Variants in PRKDC observed in about 807,000 individuals in gnomAD.
PRKDC encodes the protein protein kinase, DNA-activated, catalytic subunit.
Under a neutral mutation model 486.9 loss-of-function variants are expected in PRKDC, and 82 were observed. The observed-to-expected ratio is 0.17, with a 90% CI of 0.14 to 0.20. The LOEUF (loss-of-function observed/expected upper bound fraction) is 0.20, where lower values mean the gene tolerates loss of function less well. Ranked by LOEUF, PRKDC falls within the 10% of genes least tolerant of loss-of-function variation. The pLI is 1.00. For synonymous variants in PRKDC, 1,895 were observed against 1,837.0 expected, an observed-to-expected ratio of 1.03 and a Z score of -0.81; for missense variants, 4,504 against 5,038.2, an observed-to-expected ratio of 0.89 and a Z score of 3.21.
At position 47,826,707 on chromosome 8, in the gene PRKDC, C is replaced by T. The variant is rs1439704999; in HGVS notation, c.8732G>A (p.Arg2911His). The stretch of plus-strand genomic sequence containing the variant: ...ATCAGGAGGGAGGCGGGCCTTCCCA[C>T]GGACTCGCTTGGCAGGCAGCTCAGC... ...LPAELPAKRV[R>H]GKARLPPDVL... Residue 2911 changes from arginine to histidine, a missense_variant, in exon 63 of 86, where the codon CGT becomes CAT. Physicochemically the swap from Arg to His is conservative, Grantham distance 29. Coordinates refer to ENST00000314191, the MANE Select transcript of PRKDC (RefSeq NM_006904.7). 3.7e-6 allele frequency: 6 copies of T among 1,613,178 alleles called. No individual in the cohort carries two copies. Among genetic ancestry groups the T allele is most frequent in the South Asian group, 2.2e-5 (2 of 91,024 alleles).
At chr8:47,815,553 T>C (rs1414004263) in intron 68 of PRKDC, among the ~76,000 whole-genome samples, 2 of 152,286 alleles carry the variant, frequency 1.3e-5, no homozygotes, top group African/African-American at 2.4e-5. Flanking sequence ...TCTGAGATAA[T>C]TGAACACAAA....
chr8:47,796,622 CAG>C (rs1324853209), intron 73 of PRKDC, among the ~76,000 whole-genome samples: 6 of 150,972 alleles, frequency 4.0e-5, no homozygotes, highest in Non-Finnish European at 8.8e-5. Flanking sequence ...TTTTTTGAGA[CAG>C]AGTCTTGCTC....
chr8:47,876,698 C>T (rs1375701667), intron 40 of PRKDC, among the ~76,000 whole-genome samples: 1 of 152,026 alleles, frequency 6.6e-6, no homozygotes, highest in Non-Finnish European at 1.5e-5. Flanking sequence ...TATGTCCTAT[C>T]CTTCCCACTG....
At chr8:47,850,189 C>T (rs971069561) in intron 52 of PRKDC, among the ~76,000 whole-genome samples, 15 of 152,170 alleles carry the variant, frequency 9.9e-5, no homozygotes, top group African/African-American at 3.4e-4. Context: ...CAGGAAGCAA[C>T]GGAAAACACT....
At chr8:47,853,167 C>T (rs2088451625) in intron 51 of PRKDC, among the ~76,000 whole-genome samples, 1 of 152,248 alleles carries the variant, frequency 6.6e-6, no homozygotes. Context: ...AGCATACTCC[C>T]AGTGCCGTCT....
intron 16 of PRKDC, among the ~76,000 whole-genome samples, chr8:47,931,938 T>C (rs531957458): frequency 7.9e-5 from 12 of 152,290 alleles, no homozygotes; most frequent in Non-Finnish European, 1.5e-4. Context: ...TCACCCAGGC[T>C]GGAGTGCAGT....
intron 61 of PRKDC, among the ~76,000 whole-genome samples, chr8:47,830,404 T>C (rs535905728): frequency 1.3e-5 from 2 of 152,318 alleles, no homozygotes; most frequent in African/African-American, 4.8e-5. Context: ...AGTCTCCGCA[T>C]GTGTAAAGAA....
At chr8:47,918,780 T>C (rs991002472) in intron 21 of PRKDC, among the ~76,000 whole-genome samples, 6 of 151,976 alleles carry the variant, frequency 3.9e-5, no homozygotes, top group Non-Finnish European at 7.4e-5. Context: ...ACGGGGAAAA[T>C]TGTTTCTTGC....
chr8:47,790,110 G>A (rs999725937), intron 74 of PRKDC, among the ~76,000 whole-genome samples: 1 of 152,184 alleles, frequency 6.6e-6, no homozygotes, highest in African/African-American at 2.4e-5. Context: ...TAGAAAGGAA[G>A]AAGTCAAATT....
At chr8:47,802,067 C>T (rs1226435905) in intron 70 of PRKDC, among the ~76,000 whole-genome samples, 1 of 152,140 alleles carries the variant, frequency 6.6e-6, no homozygotes, top group East Asian at 1.9e-4. Flanking sequence ...TTTTCTTCTT[C>T]TTCTTCTTTT....
chr8:47,936,508 C>G lies in PRKDC; in HGVS notation c.1123G>C (p.Val375Leu), dbSNP rs763664375. ...GYGLFAGPCK[V>L]INAKDVDFMY... ...AAGTCAACATCTTTTGCGTTTATAA[C>G]CTTGCACGGCTTTAGAAAAGGTAAA... Residue 375 changes from valine to leucine, a missense_variant, in exon 12 of 86, where the codon GTT becomes CTT. This residue lies in a region of PRKDC where 1,969 missense variants were observed against 2,068.9 expected (regional missense o/e 0.95). Coordinates refer to ENST00000314191, the MANE Select transcript of PRKDC (RefSeq NM_006904.7). 2.9e-5 allele frequency: 46 copies of G among 1,613,836 alleles called. No individual in the cohort carries two copies. Among genetic ancestry groups the G allele is most frequent in the Non-Finnish European group, 3.5e-5 (41 of 1,179,872 alleles).
At chr8:47,821,138 C>T (rs1277928204) in intron 65 of PRKDC, among the ~76,000 whole-genome samples, 195 bp from the exon 66 acceptor site, 1 of 152,224 alleles carries the variant, frequency 6.6e-6, no homozygotes, top group South Asian at 2.1e-4. Flanking sequence ...TTTGTAACCA[C>T]AAAATATATA....
rs986683165 is a variant in PRKDC, at chr8:47,918,399, G to A, written c.2420-16C>T. On this transcript the variant is annotated splice_polypyrimidine_tract_variant and intron_variant, in intron 21 of 85. Transcript: ENST00000314191. ...TTGGTCTCATCTATCAATAGTAAAC[G>A]AAAATAAATTTAAAATAGCACTCAT... 18 of 1,457,288 alleles carry A rather than the reference G, an allele frequency of 1.2e-5. No homozygotes were observed. Among genetic ancestry groups the A allele is most frequent in the East Asian group, 2.4e-5 (1 of 41,254 alleles). The allele number at this position is 1,457,288 out of a possible 1,614,324, so 90.3% of individuals were successfully genotyped here. A position where few individuals can be genotyped will look rare whatever the true frequency, so the allele number is the denominator to read the frequency against.
At chr8:47,839,481 C>T (rs781493593) in intron 55 of PRKDC, among the ~76,000 whole-genome samples, 1 of 152,172 alleles carries the variant, frequency 6.6e-6, no homozygotes, top group Non-Finnish European at 1.5e-5. Flanking sequence ...GGAGGCCCAG[C>T]GGTCCTGTGA....
At position 47,929,160 on chromosome 8, in the gene PRKDC, G is replaced by C. The variant is rs1353331738; in HGVS notation, c.2071C>G (p.Leu691Val). The C allele has an allele frequency of 2.5e-6, 4 of 1,573,318 alleles. No homozygotes were observed. The African/African-American group carries it at 5.4e-5, about 21-fold the overall frequency. Residue 691 changes from leucine to valine, a missense_variant, in exon 19 of 86, where the codon CTG (leucine) becomes GTG (valine). Around this residue, in one of 6 missense-constraint regions of PRKDC, gnomAD observed 1,969 missense variants for 2,068.9 expected, o/e 0.95. Transcript: ENST00000314191. ...TCTGGGTCTTCAGGAGAGTGTTTCA[G>C]ACTCTTTGGACTAACTCCCTGTCAA... ...KYFEGVSPKS[L>V]KHSPEDPEKY...
intron 59 of PRKDC, among the ~76,000 whole-genome samples, chr8:47,833,196 TG>T (rs1351842026): frequency 6.6e-6 from 1 of 152,238 alleles, no homozygotes; most frequent in African/African-American, 2.4e-5. Context: ...GAACTGTGTG[TG>T]GGCCACAGGT....
At chr8:47,927,417 C>T (rs868259320) in intron 20 of PRKDC, 64 bp from the exon 21 acceptor site, 113 of 1,502,044 alleles carry the variant, frequency 7.5e-5, no homozygotes, top group South Asian at 1.7e-4. Context: ...AGGAAAAAAA[C>T]ACCAAGTAAT....
At chr8:47,839,364 T>C (rs932443190) in intron 55 of PRKDC, 118 bp from the exon 56 acceptor site, 4 of 729,372 alleles carry the variant, frequency 5.5e-6, no homozygotes, top group East Asian at 2.7e-5. Flanking sequence ...CATTAGACTT[T>C]AGATCTCCAA....
chr8:47,877,631 T>C (rs1589759624), intron 40 of PRKDC, 93 bp downstream of exon 40: 2 of 1,256,210 alleles, frequency 1.6e-6, no homozygotes, highest in Non-Finnish European at 2.1e-6. Flanking sequence ...AGAATATAAT[T>C]GCCACTCAGC....
Sources: gnomAD v4.1 joint callset for allele counts (sites outside exome capture counted in the v4.1 genomes callset) on GRCh38, gnomAD v4.1.1 for gene constraint, gnomAD v4.1.1 regional missense constraint, MANE v1.5 for transcripts, NCBI Gene and HGNC (gene_info 2026-07-23, HGNC 2026-07-21) for gene names.